Variants in LGSN observed in about 807,000 individuals in gnomAD.
LGSN encodes lengsin, lens protein with glutamine synthetase domain, also known as lengsin.
LGSN carries 21 observed loss-of-function variants against 19.5 expected under a neutral mutation model. The ratio of observed to expected loss-of-function variants is 1.07; its 90% CI spans 0.76 to 1.55. LGSN has a LOEUF of 1.55. LGSN is among the 40% of genes most tolerant of loss of function. The probability of loss-of-function intolerance (pLI) is 0.00; values close to 1 mark genes in which losing one functional copy is unlikely to be tolerated. For missense variants in LGSN, 673 were observed against 608.5 expected, an observed-to-expected ratio of 1.11 and a Z score of -1.12; for synonymous variants, 257 against 215.6, an observed-to-expected ratio of 1.19 and a Z score of -1.68.
chr6:63,407,094 A>G, the LGSN span, among the ~76,000 whole-genome samples: 1 of 152,074 alleles, frequency 6.6e-6, no homozygotes, highest in African/African-American at 2.4e-5. Context: ...AAATTCTACC[A>G]GAGGTACAAG....
At chr6:63,561,576 C>T in the LGSN span, among the ~76,000 whole-genome samples, 3 of 152,160 alleles carry the variant, frequency 2.0e-5, no homozygotes, top group East Asian at 3.9e-4. Flanking sequence ...ATTTTGTTTC[C>T]GCTTACAATC....
the LGSN span, among the ~76,000 whole-genome samples, chr6:63,460,285 A>G: frequency 9.8e-3 from 1,480 of 150,744 alleles, 16 homozygotes; most frequent in African/African-American, 0.033. Flanking sequence ...TTACCCTTCT[A>G]CTTCTGACCT....
At chr6:63,384,489 T>TTG in the LGSN span, among the ~76,000 whole-genome samples, 39,904 of 131,296 alleles carry the variant, frequency 0.3, 6,060 homozygotes, top group African/African-American at 0.35. Context: ...AAATAACACC[T>TTG]TGTGTGTGTG....
chr6:63,422,003 A>G, the LGSN span, among the ~76,000 whole-genome samples: 1 of 152,220 alleles, frequency 6.6e-6, no homozygotes, highest in Non-Finnish European at 1.5e-5. Flanking sequence ...AAACCCAAAG[A>G]AACCCACAGG....
the LGSN span, among the ~76,000 whole-genome samples, chr6:63,449,545 A>G: frequency 2.0e-5 from 3 of 151,730 alleles, no homozygotes; most frequent in Non-Finnish European, 4.4e-5. Context: ...CTCCGTCAAA[A>G]AAAAAAAAAA....
At chr6:63,326,141 G>A in the LGSN span, among the ~76,000 whole-genome samples, 1 of 152,228 alleles carries the variant, frequency 6.6e-6, no homozygotes, top group East Asian at 1.9e-4. Flanking sequence ...TAGATACAGA[G>A]TGTCGATTGG....
the LGSN span, among the ~76,000 whole-genome samples, chr6:63,409,004 G>A: frequency 8.5e-5 from 13 of 152,220 alleles, no homozygotes; most frequent in South Asian, 2.7e-3. Context: ...TCGAACTTCT[G>A]GGCTCAAGTG....
chr6:63,402,131 T>C, the LGSN span, among the ~76,000 whole-genome samples: 3 of 152,200 alleles, frequency 2.0e-5, no homozygotes, highest in African/African-American at 7.2e-5. Context: ...GGATTTTTTT[T>C]AGTCAATCTA....
At chr6:63,540,723 A>C in the LGSN span, among the ~76,000 whole-genome samples, 1 of 152,090 alleles carries the variant, frequency 6.6e-6, no homozygotes, top group Non-Finnish European at 1.5e-5. Context: ...CACACAAAAC[A>C]GGATGCATAT....
At chr6:63,441,808 A>ACTG in the LGSN span, 425 of 314,270 alleles carry the variant, frequency 1.4e-3, 6 homozygotes, top group East Asian at 0.027. Flanking sequence ...CTGTGCTGAA[A>ACTG]CTGCTGCTGC....
the LGSN span, among the ~76,000 whole-genome samples, chr6:63,527,373 T>C: frequency 6.6e-6 from 1 of 152,168 alleles, no homozygotes; most frequent in Non-Finnish European, 1.5e-5. Flanking sequence ...AGACCTTGCA[T>C]AGAATATTGA....
chr6:63,483,553 A>G, the LGSN span, among the ~76,000 whole-genome samples: 3 of 152,040 alleles, frequency 2.0e-5, no homozygotes, highest in East Asian at 3.9e-4. Flanking sequence ...TGTTTTTAGT[A>G]GAGATGGGGT....
At chr6:63,314,504 C>T (rs1003019545) in intron 1 of LGSN, among the ~76,000 whole-genome samples, 3 of 152,108 alleles carry the variant, frequency 2.0e-5, no homozygotes, top group Non-Finnish European at 2.9e-5. Flanking sequence ...AGGAAGAGGA[C>T]TATTAGGAGG....
the LGSN span, among the ~76,000 whole-genome samples, chr6:63,420,203 A>C: frequency 7.5e-6 from 1 of 132,688 alleles, no homozygotes; most frequent in Non-Finnish European, 1.6e-5. Context: ...ACTGCGTCTC[A>C]AAAAAAAAAA....
chr6:63,424,011 G>A, the LGSN span, among the ~76,000 whole-genome samples: 7 of 152,148 alleles, frequency 4.6e-5, no homozygotes, highest in South Asian at 2.1e-4. Context: ...CTACACTGCA[G>A]CCTGGGCAAC....
At chr6:63,559,056 GCTCA>G in the LGSN span, among the ~76,000 whole-genome samples, 3 of 152,170 alleles carry the variant, frequency 2.0e-5, no homozygotes, top group African/African-American at 7.2e-5. Flanking sequence ...AGATCATTTT[GCTCA>G]CTCTGCTCCC....
At chr6:63,386,485 A>G in the LGSN span, among the ~76,000 whole-genome samples, 1 of 151,906 alleles carries the variant, frequency 6.6e-6, no homozygotes, top group South Asian at 2.1e-4. Context: ...TATTTTGGTA[A>G]CCTGTCTTTC....
At chr6:63,564,557 A>T in the LGSN span, among the ~76,000 whole-genome samples, 1 of 152,032 alleles carries the variant, frequency 6.6e-6, no homozygotes, top group African/African-American at 2.4e-5. Context: ...GTCTGTCTGG[A>T]TTATCTGCAG....
the LGSN span, among the ~76,000 whole-genome samples, chr6:63,526,677 G>C: frequency 6.6e-6 from 1 of 151,192 alleles, no homozygotes; most frequent in Non-Finnish European, 1.5e-5. Flanking sequence ...ACGTGGTGGC[G>C]TGTGCCTGTA....
Sources: allele counts gnomAD v4.1 joint callset (sites outside exome capture counted in the v4.1 genomes callset), GRCh38; gene constraint gnomAD v4.1.1; transcripts MANE v1.5; gene names NCBI Gene and HGNC (gene_info 2026-07-23, HGNC 2026-07-21).